RSPH3: variants seen among roughly 807,000 people sequenced by gnomAD.
RSPH3 encodes radial spoke head protein 3 homolog.
A neutral mutation model predicts 43.8 loss-of-function variants in RSPH3; 21 were observed. That is an observed-to-expected ratio of 0.48 (90% CI 0.34 to 0.69). The LOEUF (loss-of-function observed/expected upper bound fraction) is 0.69. Ranked by LOEUF, RSPH3 falls within the 30% of genes least tolerant of loss-of-function variation. The pLI is 0.01. For synonymous variants in RSPH3, 173 were observed against 179.8 expected (o/e 0.96, Z 0.30); for missense variants, 487 against 516.0 (o/e 0.94, Z 0.54).
chr6:158,981,603 T>C (rs550611879), intron 5 of RSPH3, among the ~76,000 whole-genome samples: 1 of 152,266 alleles, frequency 6.6e-6, no homozygotes, highest in South Asian at 2.1e-4. Flanking sequence ...TTCAACAAAG[T>C]TTATTTTGCC....
At chr6:158,966,438 G>T in the RSPH3 span, among the ~76,000 whole-genome samples, 16 of 152,134 alleles carry the variant, frequency 1.1e-4, no homozygotes, top group African/African-American at 3.9e-4. Context: ...ATTCATCGGT[G>T]AAGCTGTCTG....
rs189598220 is a variant in RSPH3, at chr6:158,998,844, T to A, written c.116+591A>T. 2.2e-4 allele frequency among the ~76,000 whole-genome samples: 33 copies of A among 152,082 alleles called. No individual in the cohort carries two copies. In the East Asian group the frequency reaches 6.4e-3, roughly 29 times the overall value. ...GAGATCGCGTCATTGCAGTCCAGCC[T>A]GGGCGACAAGAGCGAAACTCCGTCT... On this transcript the variant is annotated intron_variant, in intron 1 of 7. Transcript: ENST00000367069.
At position 158,999,854 on chromosome 6, in the gene RSPH3, A is replaced by C. The variant is rs751442066; in HGVS notation, c.-304T>G. The C allele has an allele frequency of 1.2e-6, 2 of 1,613,748 alleles. No homozygotes were observed. Reference sequence around the variant, plus strand: ...AGTTCCGGTCCCCAGGTTTCCCGGGAAGGACTGCGGCACAAGGGACTTCCG... The same window carrying C: ...AGTTCCGGTCCCCAGGTTTCCCGGGCAGGACTGCGGCACAAGGGACTTCCG... On this transcript the variant is annotated 5_prime_UTR_variant, in exon 1 of 8. Transcript: ENST00000367069.
intron 6 of RSPH3, among the ~76,000 whole-genome samples, chr6:158,980,572 A>G (rs932791119): frequency 1.3e-5 from 2 of 152,210 alleles, no homozygotes; most frequent in African/African-American, 4.8e-5. Flanking sequence ...GCTTCTCAAT[A>G]AACAAATACT....
At chr6:158,996,062 AGAG>A (rs1236251725) in intron 1 of RSPH3, among the ~76,000 whole-genome samples, 1 of 152,228 alleles carries the variant, frequency 6.6e-6, no homozygotes, top group Non-Finnish European at 1.5e-5. Flanking sequence ...GGGACTAGGA[AGAG>A]GACATCTTTG....
intron 2 of RSPH3, among the ~76,000 whole-genome samples, chr6:158,992,102 T>C (rs1205859073): frequency 3.4e-5 from 5 of 148,158 alleles, no homozygotes; most frequent in Non-Finnish European, 7.4e-5. Flanking sequence ...GAACATACCT[T>C]AGGTGGGTTC....
chr6:158,968,735 C>G (rs920745437), downstream of RSPH3, among the ~76,000 whole-genome samples: 2 of 151,912 alleles, frequency 1.3e-5, no homozygotes, highest in African/African-American at 4.8e-5. Flanking sequence ...TACTGTGAAA[C>G]AGAGTCTTGC....
intron 1 of RSPH3, among the ~76,000 whole-genome samples, chr6:158,998,926 C>T (rs1047029418): frequency 1.3e-5 from 2 of 152,012 alleles, no homozygotes; most frequent in Non-Finnish European, 2.9e-5. Context: ...AAAAACCAAT[C>T]TGTGGTCCTG....
At chr6:158,997,762 C>T (rs942296571) in intron 1 of RSPH3, among the ~76,000 whole-genome samples, 3 of 152,158 alleles carry the variant, frequency 2.0e-5, no homozygotes, top group Non-Finnish European at 4.4e-5. Context: ...CACTTAAAGG[C>T]ACCAGAAAGT....
intron 2 of RSPH3, among the ~76,000 whole-genome samples, chr6:158,993,002 C>T (rs77446828): frequency 0.11 from 17,249 of 152,094 alleles, 1,710 homozygotes; most frequent in East Asian, 0.42. Flanking sequence ...AAAATGTGGG[C>T]CTCTGGCTAG....
chr6:158,995,761 A>ATT (rs374594215), intron 1 of RSPH3, among the ~76,000 whole-genome samples: 4 of 150,170 alleles, frequency 2.7e-5, no homozygotes, highest in Admixed American at 6.6e-5. Context: ...CGCCCGGCTC[A>ATT]TTTTTTTTTG....
chr6:158,985,196 G>A (rs960283556), intron 3 of RSPH3, among the ~76,000 whole-genome samples: 2 of 152,198 alleles, frequency 1.3e-5, no homozygotes, highest in Admixed American at 6.5e-5. Context: ...TGTCTCAGGG[G>A]TGCCTGTGTG....
chr6:158,998,870 C>T lies in RSPH3; in HGVS notation c.116+565G>A, dbSNP rs1416868554. Among the ~76,000 whole-genome samples the T allele has an allele frequency of 2.0e-5, 3 of 151,408 alleles. No homozygotes were observed. The East Asian group carries it at 5.8e-4, about 29-fold the overall frequency. On this transcript the variant is annotated intron_variant, in intron 1 of 7. Transcript: ENST00000367069. Reference sequence around the variant, plus strand: ...GGGCGACAAGAGCGAAACTCCGTCTCAAAACAACAACAGCAACCACCACCA... The same window carrying T: ...GGGCGACAAGAGCGAAACTCCGTCTTAAAACAACAACAGCAACCACCACCA...
chr6:158,977,470 C>G lies in RSPH3; in HGVS notation c.*68G>C. ...ATAATTTCTATAACCTGAGGGGACT[C>G]GCACATCATTACCTGATTGCTTGCT... is the stretch of plus-strand genomic sequence containing the variant. On this transcript the variant is annotated 3_prime_UTR_variant, in exon 8 of 8. Coordinates refer to ENST00000367069, the MANE Select transcript of RSPH3 (RefSeq NM_031924.8). The G allele has an allele frequency of 7.3e-7, 1 of 1,371,724 alleles. No homozygotes were observed. The highest frequency in any genetic ancestry group is 9.9e-7 in the Non-Finnish European group (1 of 1,006,072). The allele number at this position is 1,371,724 out of a possible 1,614,324, so 85.0% of individuals were successfully genotyped here. A position where few individuals can be genotyped will look rare whatever the true frequency, so the allele number is the denominator to read the frequency against.
At position 158,977,756 on chromosome 6, in the gene RSPH3, C is replaced by A. The variant is rs147001164; in HGVS notation, c.1039G>T (p.Gly347Cys). 2.4e-5 allele frequency: 38 copies of A among 1,614,182 alleles called. No homozygotes were observed. In the African/African-American group the frequency reaches 4.7e-4, roughly 20 times the overall value. The change falls in exon 8 of 8, where the codon GGT becomes TGT. Residue 347 changes from glycine to cysteine, a missense_variant. Gly to Cys is a radical substitution (Grantham distance 159, BLOSUM62 -3). Transcript: ENST00000367069. ...AGTGACTCTGTCATTGCTCCAGGAC[C>A]ACCAGGCTCATCCTCGGGTTCTGGA... Reference protein sequence around the residue: ...QSPEPEDEPGGPGAMTESLEA... With the variant: ...QSPEPEDEPGCPGAMTESLEA...
At chr6:158,967,701 T>C in the RSPH3 span, among the ~76,000 whole-genome samples, 1 of 152,222 alleles carries the variant, frequency 6.6e-6, no homozygotes, top group African/African-American at 2.4e-5. Flanking sequence ...TTGCTTTGAG[T>C]TGTCTAATAC....
At position 158,974,201 on chromosome 6, in the gene RSPH3, A is replaced by G. The variant is rs1205974592; in HGVS notation, c.*3337T>C. 2 of 152,260 alleles carry G rather than the reference A, an allele frequency of 1.3e-5. No homozygotes were observed. The highest frequency in any genetic ancestry group is 2.9e-5 in the Non-Finnish European group (2 of 68,046). The allele number at this position is 152,260 out of a possible 1,614,324, so 9.4% of individuals were successfully genotyped here. ...GTTAGCTGAAACATCAGAAAGAAATAAAACTTATGAGAAGGGTATTAGCAA... is the reference window on the plus strand; with the variant it reads ...GTTAGCTGAAACATCAGAAAGAAATGAAACTTATGAGAAGGGTATTAGCAA... On this transcript the variant is annotated 3_prime_UTR_variant, in exon 8 of 8. Transcript: ENST00000367069.
intron 2 of RSPH3, among the ~76,000 whole-genome samples, chr6:158,992,486 G>T (rs564453280): frequency 1.5e-5 from 2 of 134,602 alleles, no homozygotes; most frequent in African/African-American, 6.1e-5. Context: ...GTAGAGACAG[G>T]GTTACCCACA....
chr6:158,986,474 A>G (rs777586795), intron 2 of RSPH3, 53 bp from the exon 3 acceptor site: 846 of 1,488,030 alleles, frequency 5.7e-4, no homozygotes, highest in Non-Finnish European at 7.4e-4. Context: ...ATTAAAGCAT[A>G]CAGGAACTGC....
Sources: gnomAD v4.1 joint callset for allele counts (sites outside exome capture counted in the v4.1 genomes callset) on GRCh38, gnomAD v4.1.1 for gene constraint, MANE v1.5 for transcripts, NCBI Gene and HGNC (gene_info 2026-07-23, HGNC 2026-07-21) for gene names.